Variants in BRINP1 observed in about 807,000 individuals in gnomAD.
BRINP1 encodes BMP/retinoic acid inducible neural specific 1, also known as BMP/retinoic acid-inducible neural-specific protein 1.
BRINP1 carries 17 observed loss-of-function variants against 72.9 expected under a neutral mutation model. That is an observed-to-expected ratio of 0.23 (90% CI 0.16 to 0.35). BRINP1 has a LOEUF of 0.35. Among genes scored for constraint, BRINP1 ranks in the 10% least tolerant of loss-of-function variants. The pLI, the probability that BRINP1 is intolerant of heterozygous loss-of-function variation, is 1.00. For missense variants in BRINP1, 850 were observed against 1,001.6 expected, an observed-to-expected ratio of 0.85 and a Z score of 2.04; for synonymous variants, 418 against 378.5, an observed-to-expected ratio of 1.10 and a Z score of -1.21.
chr9:119,230,704 T>C (rs891151942), intron 5 of BRINP1, among the ~76,000 whole-genome samples: 5 of 151,286 alleles, frequency 3.3e-5, no homozygotes, highest in South Asian at 2.1e-4. Context: ...AGGAAGAAGA[T>C]GGGAAGAAGA....
intron 2 of BRINP1, among the ~76,000 whole-genome samples, chr9:119,259,432 A>G (rs1490631033): frequency 7.2e-5 from 11 of 152,242 alleles, no homozygotes; most frequent in African/African-American, 2.7e-4. Flanking sequence ...TGTATAACAC[A>G]TAACTTTTAA....
At chr9:119,243,810 GGCTAGT>G (rs1309774698) in intron 3 of BRINP1, among the ~76,000 whole-genome samples, 7 of 152,096 alleles carry the variant, frequency 4.6e-5, no homozygotes, top group African/African-American at 1.7e-4. Context: ...TATATCTATT[GGCTAGT>G]GCTGGTCTAG....
intron 5 of BRINP1, among the ~76,000 whole-genome samples, chr9:119,214,371 T>C (rs930052877): frequency 6.6e-6 from 1 of 152,198 alleles, no homozygotes; most frequent in Admixed American, 6.5e-5. Flanking sequence ...GTCATGACTT[T>C]GGCCATCTCT....
chr9:119,167,734 T>C lies in BRINP1; in HGVS notation c.1636A>G (p.Met546Val), dbSNP rs553624835. Reference protein sequence around the residue: ...DFIHMVIGMSMRICQMRNSSL... With the variant: ...DFIHMVIGMSVRICQMRNSSL... ...CTGTTGCGCATCTGGCAGATGCGCA[T>C]GGACATGCCGATCACCATGTGGATG... Residue 546 changes from methionine to valine, a missense_variant, in exon 8 of 8, where the codon ATG (methionine) becomes GTG (valine). Coordinates refer to ENST00000265922, the MANE Select transcript of BRINP1 (RefSeq NM_014618.3). This position sits in a 1 kb window ranked among gnomAD's most constrained non-coding sequence, Gnocchi z 4.3. The C allele has an allele frequency of 5.0e-6, 8 of 1,614,086 alleles. No homozygotes were observed. In the African/African-American group the frequency reaches 9.3e-5, roughly 19 times the overall value.
intron 1 of BRINP1, among the ~76,000 whole-genome samples, chr9:119,359,027 A>G (rs1015278750): frequency 6.6e-6 from 1 of 152,190 alleles, no homozygotes; most frequent in Non-Finnish European, 1.5e-5. Context: ...GTTTGAGCAC[A>G]TACCTGAGAG....
At chr9:119,353,551 T>A (rs1831526007) in intron 1 of BRINP1, among the ~76,000 whole-genome samples, 1 of 152,194 alleles carries the variant, frequency 6.6e-6, no homozygotes, top group African/African-American at 2.4e-5. Context: ...GTCTGCTTTA[T>A]GTTCTTAATA....
intron 2 of BRINP1, among the ~76,000 whole-genome samples, chr9:119,270,705 A>G (rs1222657615): frequency 1.3e-5 from 2 of 152,204 alleles, no homozygotes; most frequent in Non-Finnish European, 2.9e-5. Flanking sequence ...TACACAATAT[A>G]CTTGAGAAGT....
intron 5 of BRINP1, among the ~76,000 whole-genome samples, chr9:119,230,223 T>C (rs1171037683): frequency 6.6e-6 from 1 of 152,104 alleles, no homozygotes; most frequent in African/African-American, 2.4e-5. Flanking sequence ...TGTTGGGTGA[T>C]AGCATAAGGC....
rs1043379 is a variant in BRINP1, at chr9:119,168,029, G to A, written c.1341C>T (p.Cys447=). The change falls in exon 8 of 8, where the codon TGC becomes TGT. Residue 447 remains cysteine, a synonymous_variant. Coordinates refer to ENST00000265922, the MANE Select transcript of BRINP1 (RefSeq NM_014618.3). ...AMCSLANISL[C]GSCNKGYKLY... ...GCTTGTAGCCCTTGTTGCAGGAGCC[G>A]CAGAGGGAGATGTTGGCCAGGCTGC... 0.053 allele frequency: 85,241 copies of A among 1,612,616 alleles called. 2,700 individuals are homozygous for A. Among genetic ancestry groups the A allele is most frequent in the Middle Eastern group, 0.075 (456 of 6,056 alleles).
intron 1 of BRINP1, among the ~76,000 whole-genome samples, chr9:119,340,778 C>T (rs1356590708): frequency 1.3e-5 from 2 of 152,176 alleles, no homozygotes; most frequent in Non-Finnish European, 2.9e-5. Context: ...TCCTAAAGAA[C>T]TGTCACAAGG....
intron 1 of BRINP1, among the ~76,000 whole-genome samples, chr9:119,319,818 A>T (rs1831165794): frequency 6.6e-6 from 1 of 152,194 alleles, no homozygotes; most frequent in African/African-American, 2.4e-5. Flanking sequence ...TAACCTGTGA[A>T]TATCCCATTA....
intron 7 of BRINP1, among the ~76,000 whole-genome samples, chr9:119,201,263 A>G (rs1212957813): frequency 1.3e-5 from 2 of 152,194 alleles, no homozygotes; most frequent in Non-Finnish European, 2.9e-5. Context: ...ACTCATTAAA[A>G]TTGACTAATT....
rs750439849 is a variant in BRINP1 at position 119,208,863 on chromosome 9, T to C, written c.1001A>G (p.Asn334Ser). 1.2e-6 allele frequency: 2 copies of C among 1,614,144 alleles called. No homozygotes were observed. The highest frequency in any genetic ancestry group is 1.7e-6 in the Non-Finnish European group (2 of 1,180,024). ...TIGSIHQHWG[N>S]DWDLQNRYKL... is the part of the protein sequence containing the mutation. ...GTAGCGGTTCTGCAGGTCCCAGTCA[T>C]TGCCCCAGTGCTGATGGATGCTTCC... The change falls in exon 7 of 8, where the codon AAT (asparagine) becomes AGT (serine). Residue 334 changes from asparagine to serine, a missense_variant. Asn to Ser is a conservative substitution (Grantham distance 46). Transcript: ENST00000265922.
At chr9:119,329,704 G>A (rs953948858) in intron 1 of BRINP1, among the ~76,000 whole-genome samples, 42 of 152,298 alleles carry the variant, frequency 2.8e-4, no homozygotes, top group African/African-American at 9.6e-4. Flanking sequence ...AAAATGAACA[G>A]TCAGAGAGGT....
chr9:119,224,394 C>G (rs1830071295), intron 5 of BRINP1, among the ~76,000 whole-genome samples: 1 of 151,966 alleles, frequency 6.6e-6, no homozygotes, highest in African/African-American at 2.4e-5. Flanking sequence ...TGCCCAAACC[C>G]AAATACATTC....
chr9:119,257,768 C>T (rs1322295783), intron 2 of BRINP1, among the ~76,000 whole-genome samples: 1 of 152,156 alleles, frequency 6.6e-6, no homozygotes, highest in Admixed American at 6.5e-5. Context: ...GCTGTTCCCA[C>T]TCGCTCCCCA....
At chr9:119,199,266 T>C (rs1829778541) in intron 7 of BRINP1, among the ~76,000 whole-genome samples, 1 of 151,954 alleles carries the variant, frequency 6.6e-6, no homozygotes, top group African/African-American at 2.4e-5. Context: ...GGAGATGAAA[T>C]CCAGAGACAA....
At chr9:119,277,597 G>A (rs542306244) in intron 2 of BRINP1, among the ~76,000 whole-genome samples, 1 of 152,272 alleles carries the variant, frequency 6.6e-6, no homozygotes, top group Admixed American at 6.5e-5. Context: ...TACTATGTCA[G>A]AACTAGAAAT....
intron 1 of BRINP1, among the ~76,000 whole-genome samples, chr9:119,333,647 G>A (rs553758864): frequency 3.0e-4 from 45 of 152,196 alleles, no homozygotes; most frequent in African/African-American, 1.1e-3. Flanking sequence ...TGGAGTAGGA[G>A]AGAAGGGCTT....
Sources: allele counts gnomAD v4.1 joint callset (sites outside exome capture counted in the v4.1 genomes callset), GRCh38; gene constraint gnomAD v4.1.1; non-coding constraint Gnocchi (gnomAD v3.1); transcripts MANE v1.5; gene names NCBI Gene and HGNC (gene_info 2026-07-23, HGNC 2026-07-21).